Variants in DSCAM observed in about 807,000 individuals in gnomAD.
The protein encoded by DSCAM is DS cell adhesion molecule.
DSCAM carries 47 observed loss-of-function variants against 217.7 expected under a neutral mutation model. The ratio of observed to expected loss-of-function variants is 0.22; its 90% CI spans 0.17 to 0.28. DSCAM has a LOEUF of 0.28. Ranked by LOEUF, DSCAM falls within the 10% of genes least tolerant of loss-of-function variation. DSCAM has a pLI of 1.00. For synonymous variants in DSCAM, 1,056 were observed against 1,015.3 expected (o/e 1.04, Z -0.76); for missense variants, 2,080 against 2,618.3 (o/e 0.79, Z 4.49).
intron 1 of DSCAM, among the ~76,000 whole-genome samples, chr21:40,782,040 G>A (rs1476308870): frequency 6.6e-6 from 1 of 150,960 alleles, no homozygotes; most frequent in African/African-American, 2.4e-5. Context: ...GCGCAATGGC[G>A]GGCGCCTGCA....
At chr21:40,189,719 C>A (rs572943015) in intron 11 of DSCAM, among the ~76,000 whole-genome samples, 1 of 152,164 alleles carries the variant, frequency 6.6e-6, no homozygotes, top group Non-Finnish European at 1.5e-5. Context: ...ATTTTCTCTG[C>A]ACAAGTGCTC....
intron 1 of DSCAM, among the ~76,000 whole-genome samples, chr21:40,824,461 G>C (rs1249234792): frequency 1.4e-5 from 2 of 141,210 alleles, no homozygotes; most frequent in African/African-American, 5.6e-5. Flanking sequence ...CCAGGCTGGA[G>C]TGCAGTGGCA....
intron 3 of DSCAM, among the ~76,000 whole-genome samples, chr21:40,549,214 T>C (rs142010214): frequency 3.4e-4 from 52 of 152,302 alleles, no homozygotes; most frequent in Middle Eastern, 3.4e-3. Flanking sequence ...ATGTCATTTA[T>C]CTTCTTGTTT....
chr21:40,816,915 G>C (rs760298329), intron 1 of DSCAM, among the ~76,000 whole-genome samples: 1 of 152,072 alleles, frequency 6.6e-6, no homozygotes, highest in African/African-American at 2.4e-5. Flanking sequence ...TTCTACACAT[G>C]GCTTCGAGCT....
intron 3 of DSCAM, among the ~76,000 whole-genome samples, chr21:40,535,877 G>T (rs1459648322): frequency 6.6e-6 from 1 of 152,120 alleles, no homozygotes; most frequent in Admixed American, 6.6e-5. Flanking sequence ...GCAGGACTTT[G>T]TCTCCTTGCA....
chr21:40,798,684 A>T (rs1569041706), intron 1 of DSCAM, among the ~76,000 whole-genome samples: 1 of 152,076 alleles, frequency 6.6e-6, no homozygotes, highest in Non-Finnish European at 1.5e-5. Context: ...AATGTTCATG[A>T]AGCAGTAAAA....
intron 20 of DSCAM, among the ~76,000 whole-genome samples, chr21:40,117,710 T>C (rs187313666): frequency 6.6e-6 from 1 of 152,216 alleles, no homozygotes; most frequent in African/African-American, 2.4e-5. Context: ...GTAGTAAATG[T>C]AAGTTTGTGG....
chr21:40,585,486 G>A (rs2076939900), intron 3 of DSCAM, among the ~76,000 whole-genome samples: 1 of 151,920 alleles, frequency 6.6e-6, no homozygotes, highest in Admixed American at 6.6e-5. Context: ...TTTACAAGTG[G>A]TAATAGATCT....
intron 5 of DSCAM, among the ~76,000 whole-genome samples, chr21:40,349,268 A>T (rs2123633421): frequency 6.6e-6 from 1 of 151,770 alleles, no homozygotes; most frequent in African/African-American, 2.4e-5. Flanking sequence ...TCTCACACAC[A>T]TGTATGACAT....
At position 40,469,484 on chromosome 21, in the gene DSCAM, A is replaced by T. The variant is rs115599393; in HGVS notation, c.509-100239T>A. Among the ~76,000 whole-genome samples the T allele has an allele frequency of 5.0e-3, 767 of 152,300 alleles. 7 individuals are homozygous for T. Among genetic ancestry groups the T allele is most frequent in the African/African-American group, 0.017 (724 of 41,550 alleles). On this transcript the variant is annotated intron_variant, in intron 3 of 32. Coordinates refer to ENST00000400454, the MANE Select transcript of DSCAM (RefSeq NM_001389.5). ...AACAAAATAGAATAAATTCCCTGAC[A>T]AAGTTGAACATGTGGAAAATCATTT... is the stretch of plus-strand genomic sequence containing the variant.
chr21:40,248,483 G>T (rs568254978), intron 11 of DSCAM, among the ~76,000 whole-genome samples: 6 of 152,266 alleles, frequency 3.9e-5, no homozygotes, highest in African/African-American at 1.4e-4. Context: ...GGGGCAAAAT[G>T]CTGCCAGTCT....
chr21:40,460,847 T>C (rs1322235861), intron 3 of DSCAM, among the ~76,000 whole-genome samples: 1 of 152,208 alleles, frequency 6.6e-6, no homozygotes. Flanking sequence ...CTCATAGTAC[T>C]GATGGAAATG....
intron 28 of DSCAM, among the ~76,000 whole-genome samples, chr21:40,061,880 T>C (rs1471342599): frequency 6.6e-6 from 1 of 152,228 alleles, no homozygotes; most frequent in African/African-American, 2.4e-5. Flanking sequence ...TAAATCATCC[T>C]AAACTGGCAA....
chr21:40,605,704 G>T (rs759481711), intron 3 of DSCAM, among the ~76,000 whole-genome samples: 1 of 151,302 alleles, frequency 6.6e-6, no homozygotes, highest in Non-Finnish European at 1.5e-5. Context: ...GCCATCAGGG[G>T]CCAAGACATT....
intron 3 of DSCAM, among the ~76,000 whole-genome samples, chr21:40,596,390 G>A (rs2077021654): frequency 6.6e-6 from 1 of 152,162 alleles, no homozygotes; most frequent in Non-Finnish European, 1.5e-5. Flanking sequence ...TGACGGGTGG[G>A]AGTTGATGAG....
At chr21:40,688,784 A>G (rs1281568994) in intron 3 of DSCAM, among the ~76,000 whole-genome samples, 1 of 152,234 alleles carries the variant, frequency 6.6e-6, no homozygotes, top group Non-Finnish European at 1.5e-5. Flanking sequence ...GCAGAAAAGC[A>G]ACATCAGATA....
chr21:40,092,069 C>T (rs938644151), intron 21 of DSCAM, among the ~76,000 whole-genome samples: 4 of 152,184 alleles, frequency 2.6e-5, no homozygotes, highest in African/African-American at 9.7e-5. Context: ...TCTGGGCTCT[C>T]CAAACCCTGT....
At chr21:40,376,744 G>T (rs1448688792) in intron 3 of DSCAM, among the ~76,000 whole-genome samples, 1 of 146,412 alleles carries the variant, frequency 6.8e-6, no homozygotes, top group African/African-American at 2.5e-5. Context: ...ATATATAAAG[G>T]ATTACATGCA....
At chr21:40,556,398 GA>G (rs1189738281) in intron 3 of DSCAM, among the ~76,000 whole-genome samples, 1 of 151,940 alleles carries the variant, frequency 6.6e-6, no homozygotes, top group East Asian at 1.9e-4. Flanking sequence ...GCAAGCTAGA[GA>G]AAAAAACGTT....
Sources: gnomAD v4.1 joint callset for allele counts (sites outside exome capture counted in the v4.1 genomes callset) on GRCh38, gnomAD v4.1.1 for gene constraint, MANE v1.5 for transcripts, NCBI Gene and HGNC (gene_info 2026-07-23, HGNC 2026-07-21) for gene names.